Variants in TDRD7 observed in about 807,000 individuals in gnomAD.
TDRD7 encodes tudor domain-containing protein 7.
Under a neutral mutation model 109.8 loss-of-function variants are expected in TDRD7, and 47 were observed. The ratio of observed to expected loss-of-function variants is 0.43; its 90% CI spans 0.34 to 0.55. The LOEUF (loss-of-function observed/expected upper bound fraction) is 0.55, where lower values mean the gene tolerates loss of function less well. Ranked by LOEUF, TDRD7 falls within the 20% of genes least tolerant of loss-of-function variation. The pLI, the probability that TDRD7 is intolerant of heterozygous loss-of-function variation, is 0.03. For missense variants in TDRD7, 1,164 were observed against 1,319.2 expected, an observed-to-expected ratio of 0.88 and a Z score of 1.82; for synonymous variants, 424 against 457.3, an observed-to-expected ratio of 0.93 and a Z score of 0.93.
intron 14 of TDRD7, among the ~76,000 whole-genome samples, 180 bp downstream of exon 14, chr9:97,481,118 CTTAT>C (rs1829108616): frequency 6.6e-6 from 1 of 152,144 alleles, no homozygotes; most frequent in African/African-American, 2.4e-5. Context: ...TGGTTTAATT[CTTAT>C]TTAAGAAGTT....
intron 6 of TDRD7, among the ~76,000 whole-genome samples, chr9:97,455,349 A>G (rs1312337112): frequency 6.6e-6 from 1 of 152,238 alleles, no homozygotes; most frequent in Non-Finnish European, 1.5e-5. Context: ...TCCTGATACC[A>G]AAACTGGGAA....
At chr9:97,482,521 A>G (rs1829132968) in intron 14 of TDRD7, among the ~76,000 whole-genome samples, 1 of 152,210 alleles carries the variant, frequency 6.6e-6, no homozygotes, top group Non-Finnish European at 1.5e-5. Context: ...AAGTGTTTCG[A>G]AATATCATTA....
At chr9:97,441,605 T>G in intron 5 of TDRD7, 53 bp from the exon 6 acceptor site, 2 of 1,450,196 alleles carry the variant, frequency 1.4e-6, no homozygotes, top group Non-Finnish European at 1.9e-6. Flanking sequence ...GTAATGGGGA[T>G]AATCTAAAAT....
intron 14 of TDRD7, among the ~76,000 whole-genome samples, chr9:97,481,486 A>G (rs1443814982): frequency 1.3e-5 from 2 of 152,160 alleles, no homozygotes; most frequent in African/African-American, 2.4e-5. Context: ...ATCCAAGAAT[A>G]CAAATTTAAG....
rs773704794 is a variant in TDRD7 at position 97,428,517 on chromosome 9, C to T, written c.52C>T (p.His18Tyr). The change falls in exon 2 of 17, where the codon CAT becomes TAT. Residue 18 changes from histidine to tyrosine, a missense_variant. His to Tyr is a moderately conservative substitution (Grantham distance 83). This residue lies in a region of TDRD7 where 101 missense variants were observed against 148.5 expected (regional missense o/e 0.68). Coordinates refer to ENST00000355295, the MANE Select transcript of TDRD7 (RefSeq NM_014290.3). ...SKMLRAVLQS[H>Y]KNGVALPRLQ... ...GATGCTACGAGCTGTTCTGCAGTCT[C>T]ATAAGAATGGAGTAGCATTACCCCG... The T allele has an allele frequency of 1.1e-5, 17 of 1,613,912 alleles. No individual in the cohort carries two copies. The highest frequency in any genetic ancestry group is 1.4e-5 in the Non-Finnish European group (16 of 1,179,958).
At chr9:97,447,481 C>T (rs1554745554) in intron 6 of TDRD7, among the ~76,000 whole-genome samples, 1 of 152,098 alleles carries the variant, frequency 6.6e-6, no homozygotes, top group Non-Finnish European at 1.5e-5. Flanking sequence ...CTAAAGCAGG[C>T]CAAAACCCAC....
intron 16 of TDRD7, among the ~76,000 whole-genome samples, chr9:97,489,633 A>G (rs1264861199): frequency 6.6e-6 from 1 of 152,102 alleles, no homozygotes. Flanking sequence ...TATTTAGACT[A>G]TTGACATTGA....
At position 97,482,940 on chromosome 9, in the gene TDRD7, A is replaced by C; in HGVS notation, c.2504A>C (p.Gln835Pro). ...FPDPHRSINR[Q>P]ITNADLWKHQ... is the part of the protein sequence containing the mutation. ...GACCCTCATCGCAGTATTAATCGCC[A>C]GATTACAAATGCAGACTTGTGGAAG... The change falls in exon 15 of 17, where the codon CAG becomes CCG. Residue 835 changes from glutamine to proline, a missense_variant. Physicochemically the swap from Gln to Pro is moderately conservative, Grantham distance 76. Transcript: ENST00000355295. 2 of 1,614,206 alleles carry C rather than the reference A, an allele frequency of 1.2e-6. No homozygotes were observed. Among genetic ancestry groups the C allele is most frequent in the Non-Finnish European group, 1.7e-6 (2 of 1,180,026 alleles).
At chr9:97,440,804 T>C (rs1223830251) in intron 5 of TDRD7, among the ~76,000 whole-genome samples, 2 of 152,232 alleles carry the variant, frequency 1.3e-5, no homozygotes, top group African/African-American at 4.8e-5. Context: ...TTTAATATAC[T>C]CAGATCTGTA....
intron 1 of TDRD7, among the ~76,000 whole-genome samples, chr9:97,424,244 T>C (rs1827948838): frequency 6.6e-6 from 1 of 151,538 alleles, no homozygotes; most frequent in South Asian, 2.1e-4. Context: ...TTAGTAGAGG[T>C]AGGGTTTCAC....
intron 16 of TDRD7, among the ~76,000 whole-genome samples, chr9:97,490,195 A>G (rs1022832564): frequency 6.6e-6 from 1 of 152,158 alleles, no homozygotes; most frequent in South Asian, 2.1e-4. Flanking sequence ...TTTCTGACCT[A>G]TATTATTTTC....
chr9:97,414,344 C>A (rs1325310759), intron 1 of TDRD7, among the ~76,000 whole-genome samples: 2 of 152,246 alleles, frequency 1.3e-5, no homozygotes, highest in African/African-American at 4.8e-5. Flanking sequence ...AGTGTGACTT[C>A]AAAGTAAGCT....
intron 11 of TDRD7, among the ~76,000 whole-genome samples, chr9:97,474,565 C>G (rs1329995949): frequency 1.3e-5 from 2 of 152,108 alleles, no homozygotes; most frequent in African/African-American, 4.8e-5. Context: ...CAGCTTAAAC[C>G]CGCATTCAAA....
rs779864021 is a variant in TDRD7 at position 97,482,990 on chromosome 9, G to A, written c.2554G>A (p.Ala852Thr). Residue 852 changes from alanine (A) to threonine (T), a missense_variant, in exon 15 of 17, where the codon GCC becomes ACC. Ala to Thr is a moderately conservative substitution (Grantham distance 58). Around this residue, in one of 5 missense-constraint regions of TDRD7, gnomAD observed 233 missense variants for 218.0 expected, o/e 1.07. Coordinates refer to ENST00000355295, the MANE Select transcript of TDRD7 (RefSeq NM_014290.3). The stretch of plus-strand genomic sequence containing the variant: ...GCATCAGAAGGATGTGTTTTTGAGT[G>A]CCATATCCAGTGGAGCTGACTCTCC... ...WKHQKDVFLS[A>T]ISSGADSPNS... 8.1e-6 allele frequency: 13 copies of A among 1,614,060 alleles called. No individual in the cohort carries two copies. Among genetic ancestry groups the A allele is most frequent in the Admixed American group, 1.7e-5 (1 of 59,986 alleles).
Position 97,460,514 on chromosome 9 carries a change from CAGA to C in TDRD7, c.1195_1197del (p.Lys399del). On this transcript the variant is annotated inframe_deletion, in exon 7 of 17. Coordinates refer to ENST00000355295, the MANE Select transcript of TDRD7 (RefSeq NM_014290.3). ...CATAGACTACATTTCTGGAAATCCC[CAGA>C]AGGCCATTCTCTATGCTAAACTTCC... is the stretch of plus-strand genomic sequence containing the variant. 3 of 1,614,204 alleles carry C rather than the reference CAGA, an allele frequency of 1.9e-6. No individual in the cohort carries two copies. The highest frequency in any genetic ancestry group is 2.5e-6 in the Non-Finnish European group (3 of 1,180,036).
intron 1 of TDRD7, among the ~76,000 whole-genome samples, chr9:97,416,885 A>C (rs62557494): frequency 0.057 from 8,735 of 151,986 alleles, 424 homozygotes; most frequent in African/African-American, 0.14. Context: ...AACAGACACA[A>C]ATCCTTGCTT....
intron 8 of TDRD7, among the ~76,000 whole-genome samples, chr9:97,468,012 G>T (rs911011606): frequency 1.3e-5 from 2 of 152,232 alleles, no homozygotes; most frequent in Admixed American, 6.5e-5. Context: ...GTTGAAATTG[G>T]GAAGTCAGAG....
At chr9:97,483,947 T>C (rs890920154) in intron 15 of TDRD7, among the ~76,000 whole-genome samples, 104 of 152,302 alleles carry the variant, frequency 6.8e-4, no homozygotes, top group African/African-American at 2.2e-3. Flanking sequence ...CCCAATGAAA[T>C]CATAATTTAC....
At chr9:97,495,146 G>A (rs756937738) in intron 16 of TDRD7, among the ~76,000 whole-genome samples, 12 of 152,228 alleles carry the variant, frequency 7.9e-5, no homozygotes, top group Admixed American at 2.0e-4. Context: ...CACACCACCC[G>A]ATAGAGGAAA....
Sources: gnomAD v4.1 joint callset for allele counts (sites outside exome capture counted in the v4.1 genomes callset) on GRCh38, gnomAD v4.1.1 for gene constraint, gnomAD v4.1.1 regional missense constraint, MANE v1.5 for transcripts, NCBI Gene and HGNC (gene_info 2026-07-23, HGNC 2026-07-21) for gene names.